PTPN2: variants seen among roughly 807,000 people sequenced by gnomAD.
The protein encoded by PTPN2 is tyrosine-protein phosphatase non-receptor type 2.
Under a neutral mutation model 57.3 loss-of-function variants are expected in PTPN2, and 19 were observed. The ratio of observed to expected loss-of-function variants is 0.33; its 90% CI spans 0.23 to 0.49. The LOEUF (loss-of-function observed/expected upper bound fraction) is 0.49. PTPN2 is among the 20% of genes least tolerant of loss of function. PTPN2 has a pLI of 0.99. For synonymous variants in PTPN2, 153 were observed against 164.9 expected (o/e 0.93, Z 0.55); for missense variants, 358 against 501.1 (o/e 0.71, Z 2.73).
Position 12,884,203 on chromosome 18 carries a change from C to T in PTPN2, c.-62G>A, listed in dbSNP as rs980927222. ...CCGGCGGAGAGGCTCAGGCCCCGCA[C>T]GATCCGGGGAGAGCGCTGGCGCTGC... On this transcript the variant is annotated 5_prime_UTR_variant, in exon 1 of 9. The change creates a new upstream start codon in the 5' untranslated region. Transcript: ENST00000309660. 3 of 1,381,432 alleles carry T rather than the reference C, an allele frequency of 2.2e-6. No homozygotes were observed. The highest frequency in any genetic ancestry group is 2.4e-5 in the Admixed American group (1 of 41,092). The allele number at this position is 1,381,432 out of a possible 1,614,324, so 85.6% of individuals were successfully genotyped here. A position where few individuals can be genotyped will look rare whatever the true frequency, so the allele number is the denominator to read the frequency against.
At chr18:12,862,849 CAT>C (rs1411384161) in intron 1 of PTPN2, 3 of 152,058 alleles carry the variant, frequency 2.0e-5, no homozygotes, top group Non-Finnish European at 4.4e-5. Flanking sequence ...ACATGAGAAA[CAT>C]AAACTCCTGG....
At chr18:12,849,565 A>ATAAG (rs2043323202) in intron 2 of PTPN2, among the ~76,000 whole-genome samples, 1 of 151,874 alleles carries the variant, frequency 6.6e-6, no homozygotes, top group South Asian at 2.1e-4. Flanking sequence ...GTCTCAAAAA[A>ATAAG]TAAATAAATA....
chr18:12,802,030 C>T lies in PTPN2; in HGVS notation c.980G>A (p.Gly327Asp). ...AGAGGAAAGTCCTGTACATCGGTCA[C>T]CTGTCAGTTTTTCTTCTTCTAGACC... ...RIGLEEEKLT[G>D]DRCTGLSSKM... Residue 327 changes from glycine (G) to aspartate (D), a missense_variant, in exon 8 of 9, where the codon GGT (glycine) becomes GAT (aspartate). Physicochemically the swap from Gly to Asp is moderately conservative, Grantham distance 94. Around this residue, in one of 4 missense-constraint regions of PTPN2, gnomAD observed 96 missense variants for 110.8 expected, o/e 0.87. Transcript: ENST00000309660. 1 of 1,612,480 alleles carries T rather than the reference C, an allele frequency of 6.2e-7. No homozygotes were observed. Among genetic ancestry groups the T allele is most frequent in the South Asian group, 1.1e-5 (1 of 90,908 alleles).
intron 1 of PTPN2, among the ~76,000 whole-genome samples, chr18:12,870,497 A>AGG (rs2044228629): frequency 1.1e-5 from 1 of 95,020 alleles, no homozygotes; most frequent in Non-Finnish European, 1.9e-5. Flanking sequence ...AGAGAGAGAG[A>AGG]GAAAAGCGTG....
At chr18:12,797,655 T>C (rs751717718) in intron 8 of PTPN2, among the ~76,000 whole-genome samples, 37 of 152,154 alleles carry the variant, frequency 2.4e-4, no homozygotes, top group Non-Finnish European at 5.3e-4. Flanking sequence ...TCTTCCTTAG[T>C]GGGGCCTAAA....
chr18:12,833,206 A>T (rs2042730413), intron 3 of PTPN2, among the ~76,000 whole-genome samples: 1 of 152,188 alleles, frequency 6.6e-6, no homozygotes, highest in Non-Finnish European at 1.5e-5. Context: ...GGTGACTTTT[A>T]AAAAAATACT....
At chr18:12,848,833 T>TTTA (rs1454537307) in intron 2 of PTPN2, among the ~76,000 whole-genome samples, 1 of 152,270 alleles carries the variant, frequency 6.6e-6, no homozygotes, top group Non-Finnish European at 1.5e-5. Context: ...CAGATAAAAC[T>TTTA]TTTATACTTT....
chr18:12,879,064 T>A (rs141337444), intron 1 of PTPN2, among the ~76,000 whole-genome samples: 5 of 152,310 alleles, frequency 3.3e-5, no homozygotes, highest in African/African-American at 1.2e-4. Context: ...AAAGGGATCA[T>A]GAACATTACT....
At chr18:12,857,804 C>T (rs1017426908) in intron 2 of PTPN2, among the ~76,000 whole-genome samples, 1 of 152,132 alleles carries the variant, frequency 6.6e-6, no homozygotes, top group African/African-American at 2.4e-5. Flanking sequence ...TGGAAAACCA[C>T]TCTTCTAGCT....
chr18:12,820,871 G>A (rs1484291015), intron 5 of PTPN2, among the ~76,000 whole-genome samples: 1 of 152,302 alleles, frequency 6.6e-6, no homozygotes, highest in South Asian at 2.1e-4. Flanking sequence ...ATTTTTAAAA[G>A]AGAATTCTAA....
intron 7 of PTPN2, among the ~76,000 whole-genome samples, chr18:12,812,546 C>T (rs2041927724): frequency 6.6e-6 from 1 of 152,110 alleles, no homozygotes; most frequent in African/African-American, 2.4e-5. Flanking sequence ...CTGCAGTGAA[C>T]CGAGATTGTG....
At chr18:12,799,290 G>T (rs1172742116) in intron 8 of PTPN2, among the ~76,000 whole-genome samples, 7 of 151,906 alleles carry the variant, frequency 4.6e-5, no homozygotes, top group African/African-American at 1.7e-4. Flanking sequence ...AGTGGCGGGG[G>T]CCTGTAATCC....
intron 1 of PTPN2, among the ~76,000 whole-genome samples, chr18:12,870,448 TATATATATATATATAGAGAGAGAG>T (rs2044210864): frequency 2.0e-4 from 5 of 24,536 alleles, no homozygotes; most frequent in Non-Finnish European, 2.5e-4. Flanking sequence ...TGTGTATATA[TATATATATATATATAGAGAGAGAG>T]AGAGAGAGAG....
intron 1 of PTPN2, among the ~76,000 whole-genome samples, chr18:12,870,392 TGTATATATAC>T (rs1568169208): frequency 7.4e-5 from 5 of 67,670 alleles, no homozygotes; most frequent in East Asian, 3.9e-4. Flanking sequence ...TACGTATATA[TGTATATATAC>T]ACGTATATAT....
intron 2 of PTPN2, among the ~76,000 whole-genome samples, chr18:12,848,913 G>C (rs2043300856): frequency 6.6e-6 from 1 of 152,144 alleles, no homozygotes; most frequent in East Asian, 1.9e-4. Context: ...CAGATTAAAA[G>C]ACAGTTAATT....
intron 7 of PTPN2, among the ~76,000 whole-genome samples, chr18:12,813,192 G>A (rs1264873371): frequency 1.3e-5 from 2 of 152,170 alleles, no homozygotes; most frequent in African/African-American, 4.8e-5. Context: ...CCAGATTTAA[G>A]TTGGTGAAAG....
chr18:12,838,951 TTTAAAA>T (rs1473067241), intron 2 of PTPN2, among the ~76,000 whole-genome samples: 1 of 151,460 alleles, frequency 6.6e-6, no homozygotes, highest in Non-Finnish European at 1.5e-5. Flanking sequence ...GAAATAAAAC[TTTAAAA>T]TAAATTTAAA....
intron 7 of PTPN2, among the ~76,000 whole-genome samples, chr18:12,804,506 A>G (rs2041565173): frequency 6.6e-6 from 1 of 151,744 alleles, no homozygotes; most frequent in African/African-American, 2.4e-5. Flanking sequence ...CAACAAACCT[A>G]TAGCAGACTA....
chr18:12,875,521 A>C (rs985686010), intron 1 of PTPN2, among the ~76,000 whole-genome samples: 1 of 136,058 alleles, frequency 7.3e-6, no homozygotes, highest in Non-Finnish European at 1.5e-5. Flanking sequence ...GTATTATTAA[A>C]AGTTCAGTTT....
Sources: allele counts gnomAD v4.1 joint callset (sites outside exome capture counted in the v4.1 genomes callset), GRCh38; gene constraint gnomAD v4.1.1; regional missense constraint gnomAD v4.1.1; transcripts MANE v1.5; gene names NCBI Gene and HGNC (gene_info 2026-07-23, HGNC 2026-07-21).